Variants in CT45A1 observed in about 807,000 individuals in gnomAD.
CT45A1 encodes cancer/testis antigen 45-1.
At chrX:135,710,963 C>T (rs1472499378), upstream of CT45A1, among the ~76,000 whole-genome samples, 1 of 112,003 alleles carries the variant, frequency 8.9e-6, no homozygotes, top group Non-Finnish European at 1.9e-5. Context: ...CATACTTACA[C>T]GTCTGGATAT....
At chrX:135,711,408 C>T (rs1490911015), upstream of CT45A1, among the ~76,000 whole-genome samples, 1 of 111,087 alleles carries the variant, frequency 9.0e-6, no homozygotes, top group Non-Finnish European at 1.9e-5. Context: ...TGACAGGGTA[C>T]TTAACAAACA....
At chrX:135,711,897 G>A (rs1482479760), upstream of CT45A1, among the ~76,000 whole-genome samples, 1 of 110,315 alleles carries the variant, frequency 9.1e-6, no homozygotes, top group Non-Finnish European at 1.9e-5. Context: ...CCTGGCCGAT[G>A]TGGTGAAACA....
upstream of CT45A1, among the ~76,000 whole-genome samples, chrX:135,712,154 T>TTTCCCC (rs1314397483): frequency 3.9e-5 from 4 of 103,313 alleles, no homozygotes; most frequent in Non-Finnish European, 7.9e-5. Context: ...TATAATAAGG[T>TTTCCCC]TTCCCCTCCT....
At chrX:135,709,410 G>T (rs1186892831), upstream of CT45A1, among the ~76,000 whole-genome samples, 2 of 112,002 alleles carry the variant, frequency 1.8e-5, no homozygotes, top group Non-Finnish European at 3.8e-5. Context: ...TTACAAGCGT[G>T]AGCCACCGCG....
upstream of CT45A1, among the ~76,000 whole-genome samples, chrX:135,710,836 G>T (rs148079298): frequency 4.3e-4 from 48 of 112,582 alleles, no homozygotes; most frequent in African/African-American, 1.4e-3. Flanking sequence ...CACTTGGAAA[G>T]GTCTGTCCAC....
At chrX:135,712,982 C>CTCCTTCCTTCCTTCCTTCCTTCCTTCCT (rs782717113), upstream of CT45A1, among the ~76,000 whole-genome samples, 17 of 7,475 alleles carry the variant, frequency 2.3e-3, no homozygotes, top group African/African-American at 0.018. Flanking sequence ...TCTTTTCTTT[C>CTCCTTCCTTCCTTCCTTCCTTCCTTCCT]TCCTTCCTTC....
intron 1 of CT45A1, among the ~76,000 whole-genome samples, chrX:135,718,429 C>G (rs1556572479): frequency 2.7e-5 from 3 of 109,968 alleles, no homozygotes; most frequent in African/African-American, 9.9e-5. Flanking sequence ...TATCAATCTT[C>G]TAATAAGAGT....
chrX:135,715,197 C>CT (rs1471477492), intron 1 of CT45A1, among the ~76,000 whole-genome samples: 1,328 of 82,550 alleles, frequency 0.016, 38 homozygotes, highest in Non-Finnish European at 0.026. Context: ...AATGCCATTA[C>CT]TATTATATAT....
At chrX:135,709,362 G>A (rs1311435906), upstream of CT45A1, among the ~76,000 whole-genome samples, 2 of 112,195 alleles carry the variant, frequency 1.8e-5, no homozygotes, top group Non-Finnish European at 3.8e-5. Context: ...TCCTGACCTC[G>A]AGTGATCTGC....
chrX:135,716,816 GAAGT>G (rs34037656), intron 1 of CT45A1, among the ~76,000 whole-genome samples: 21,075 of 110,410 alleles, frequency 0.19, 1,656 homozygotes, highest in Non-Finnish European at 0.24. Context: ...GGAGTGGGAA[GAAGT>G]AAGAGTCAAG....
chrX:135,714,172 G>A (rs1169766897), intron 1 of CT45A1, among the ~76,000 whole-genome samples: 1 of 109,694 alleles, frequency 9.1e-6, no homozygotes, highest in Non-Finnish European at 1.9e-5. Flanking sequence ...TCGCTGACGG[G>A]GGCTTTATCT....
At chrX:135,714,722 G>A (rs2087964270) in intron 1 of CT45A1, among the ~76,000 whole-genome samples, 1 of 110,623 alleles carries the variant, frequency 9.0e-6, no homozygotes, top group South Asian at 3.9e-4. Flanking sequence ...ATGAGATTGA[G>A]CACCTTTTTA....
chrX:135,710,685 G>A (rs1264054709), upstream of CT45A1, among the ~76,000 whole-genome samples: 1 of 112,385 alleles, frequency 8.9e-6, no homozygotes, highest in Admixed American at 9.4e-5. Flanking sequence ...CCATAAGATT[G>A]TGACACAAGT....
At chrX:135,716,281 AT>A (rs2087988409) in intron 1 of CT45A1, among the ~76,000 whole-genome samples, 1 of 111,556 alleles carries the variant, frequency 9.0e-6, no homozygotes, top group Admixed American at 9.6e-5. Context: ...GGTTGAACTA[AT>A]TTGCACTCAT....
chrX:135,716,273 T>C (rs1157731907), intron 1 of CT45A1, among the ~76,000 whole-genome samples: 1 of 111,766 alleles, frequency 8.9e-6, no homozygotes, highest in Non-Finnish European at 1.9e-5. Flanking sequence ...TCCACAATGG[T>C]TGAACTAATT....
rs1487014094 is a variant in CT45A1, at chrX:135,714,372, C to T, written c.-7+682C>T. ...CCCGGTGCTGCGGGGGAATGGGGTGCTGTTCCTTGGATTCTCTAAGCCTAT... is the reference window on the plus strand; with the variant it reads ...CCCGGTGCTGCGGGGGAATGGGGTGTTGTTCCTTGGATTCTCTAAGCCTAT... On this transcript the variant is annotated intron_variant, in intron 1 of 4. Coordinates refer to ENST00000594565, the MANE Select transcript of CT45A1 (RefSeq NM_001017417.3). 2.7e-5 allele frequency among the ~76,000 whole-genome samples: 3 copies of T among 109,590 alleles called. No individual in the cohort carries two copies. In the East Asian group the frequency reaches 8.6e-4, roughly 31 times the overall value.
At chrX:135,708,531 G>T in the CT45A1 span, among the ~76,000 whole-genome samples, 7 of 110,795 alleles carry the variant, frequency 6.3e-5, no homozygotes, top group South Asian at 7.8e-4. Flanking sequence ...AGACACCACC[G>T]TGGGTGCCTG....
upstream of CT45A1, among the ~76,000 whole-genome samples, chrX:135,712,958 T>G (rs1283496922): frequency 1.2e-5 from 1 of 84,857 alleles, no homozygotes; most frequent in Non-Finnish European, 2.3e-5. Context: ...TCTTTCTTTC[T>G]TTCTTTCTTT....
upstream of CT45A1, among the ~76,000 whole-genome samples, chrX:135,712,887 G>A (rs782261983): frequency 2.0e-4 from 22 of 108,646 alleles, no homozygotes; most frequent in Non-Finnish European, 4.0e-4. Context: ...TGATGTTGTC[G>A]TTTCTTTCTT....
Sources: allele counts gnomAD v4.1 joint callset (sites outside exome capture counted in the v4.1 genomes callset), GRCh38; gene constraint gnomAD v4.1.1; transcripts MANE v1.5; gene names NCBI Gene and HGNC (gene_info 2026-07-23, HGNC 2026-07-21).